CMSS1: variants seen among roughly 807,000 people sequenced by gnomAD.
The protein encoded by CMSS1 is cms1 ribosomal small subunit homolog, also known as protein CMSS1.
Under a neutral mutation model 43.5 loss-of-function variants are expected in CMSS1, and 33 were observed. The observed-to-expected ratio is 0.76, with a 90% CI of 0.57 to 1.01. The LOEUF (loss-of-function observed/expected upper bound fraction) is 1.01, where lower values mean the gene tolerates loss of function less well. CMSS1 is among the 50% of genes least tolerant of loss of function. CMSS1 has a pLI of 0.00. For synonymous variants in CMSS1, 115 were observed against 117.2 expected, an observed-to-expected ratio of 0.98 and a Z score of 0.12; for missense variants, 313 against 326.4, an observed-to-expected ratio of 0.96 and a Z score of 0.32.
intron 1 of CMSS1, chr3:99,849,521 C>T: frequency 1.2e-6 from 2 of 1,613,320 alleles, no homozygotes; most frequent in South Asian, 1.1e-5. Flanking sequence ...AATGCATCCA[C>T]TTCTCTTGAG....
chr3:99,909,670 A>G (rs1559684528), intron 1 of CMSS1, among the ~76,000 whole-genome samples: 1 of 152,234 alleles, frequency 6.6e-6, no homozygotes, highest in African/African-American at 2.4e-5. Context: ...CATGTTTTTC[A>G]TCATACAGAT....
intron 1 of CMSS1, among the ~76,000 whole-genome samples, chr3:100,068,253 CTAG>C (rs1173579181): frequency 6.6e-6 from 1 of 151,990 alleles, no homozygotes; most frequent in Admixed American, 6.5e-5. Context: ...TTGCACACTG[CTAG>C]TAGATGTGTA....
intron 1 of CMSS1, among the ~76,000 whole-genome samples, chr3:100,120,906 C>A (rs1378105769): frequency 1.3e-5 from 2 of 152,114 alleles, no homozygotes; most frequent in Admixed American, 1.3e-4. Flanking sequence ...CAGGAAAGCG[C>A]AGGATGGCTT....
At chr3:100,171,809 C>A in intron 6 of CMSS1, 30 bp from the exon 7 acceptor site, 1 of 1,604,486 alleles carries the variant, frequency 6.2e-7, no homozygotes, top group Non-Finnish European at 8.5e-7. Context: ...AGTTGGTTTT[C>A]TTAAGCATTC....
chr3:99,818,151 C>A, intron 1 of CMSS1, 108 bp downstream of exon 1: 1 of 1,040,620 alleles, frequency 9.6e-7, no homozygotes, highest in Non-Finnish European at 1.4e-6. Context: ...CAGGGGTGTG[C>A]ACCGCCTTGG....
At chr3:99,950,797 G>C (rs1576595588) in intron 1 of CMSS1, among the ~76,000 whole-genome samples, 1 of 152,040 alleles carries the variant, frequency 6.6e-6, no homozygotes, top group African/African-American at 2.4e-5. Context: ...GGAGACTTAG[G>C]TAAATATTCA....
At chr3:100,172,050 G>T in intron 7 of CMSS1, 151 bp downstream of exon 7, 1 of 675,656 alleles carries the variant, frequency 1.5e-6, no homozygotes. Context: ...TAAATTCTAT[G>T]CTTCTGCATA....
chr3:100,037,533 A>T (rs1201423646), intron 1 of CMSS1, among the ~76,000 whole-genome samples: 3 of 152,218 alleles, frequency 2.0e-5, no homozygotes, highest in African/African-American at 7.2e-5. Context: ...ATCATACCCT[A>T]AGATAAACTG....
rs910299158 is a variant in CMSS1 at position 100,172,084 on chromosome 3, G to C, written c.579+185G>C. 3 of 634,038 alleles carry C rather than the reference G, an allele frequency of 4.7e-6. No individual in the cohort carries two copies. The African/African-American group carries it at 5.5e-5, about 12-fold the overall frequency. 39.3% of individuals were successfully genotyped at this position (634,038 alleles called of 1,614,324 possible). ...TACCTACCTCCCCAGTATGGCAGTC[G>C]CTACTGCCATGCTCTGTCCCTGTAT... On this transcript the variant is annotated intron_variant, in intron 7 of 9. Coordinates refer to ENST00000421999, the MANE Select transcript of CMSS1 (RefSeq NM_032359.4).
intron 1 of CMSS1, chr3:99,830,679 G>A: frequency 6.9e-6 from 3 of 433,278 alleles, no homozygotes; most frequent in South Asian, 4.9e-5. Context: ...TTAGGACATG[G>A]AGTCAGTTTG....
intron 1 of CMSS1, among the ~76,000 whole-genome samples, chr3:100,014,869 C>CTTTTTTTTTTTTTTTT (rs1559725848): frequency 5.4e-5 from 1 of 18,528 alleles, no homozygotes; most frequent in Admixed American, 4.8e-4. Flanking sequence ...TTGTCTTTTT[C>CTTTTTTTTTTTTTTTT]TTTTCTTTTT....
intron 1 of CMSS1, among the ~76,000 whole-genome samples, chr3:100,115,693 A>C (rs1260328682): frequency 7.3e-6 from 1 of 137,168 alleles, no homozygotes; most frequent in African/African-American, 2.7e-5. Context: ...TTTTTTTCTG[A>C]ATTAATTTAT....
chr3:99,900,650 A>T lies in CMSS1; in HGVS notation c.64+82607A>T, dbSNP rs553203380. On this transcript the variant is annotated intron_variant, in intron 1 of 9. Transcript: ENST00000421999. Reference sequence around the variant, plus strand: ...CTTAATATTCATCAGAACTTCCATAAAGTACCAAATGGGCTGATCATTGTG... The same window carrying T: ...CTTAATATTCATCAGAACTTCCATATAGTACCAAATGGGCTGATCATTGTG... 1.2e-4 allele frequency among the ~76,000 whole-genome samples: 18 copies of T among 152,314 alleles called. No homozygotes were observed. The South Asian group carries it at 3.7e-3, about 32-fold the overall frequency.
At chr3:99,880,864 G>T (rs771892554) in intron 1 of CMSS1, among the ~76,000 whole-genome samples, 1 of 152,042 alleles carries the variant, frequency 6.6e-6, no homozygotes, top group Non-Finnish European at 1.5e-5. Context: ...TCGTAGTGTG[G>T]ATGGACCCTG....
chr3:99,928,428 G>A (rs771129440), intron 1 of CMSS1, among the ~76,000 whole-genome samples: 5 of 152,180 alleles, frequency 3.3e-5, no homozygotes, highest in Non-Finnish European at 7.3e-5. Flanking sequence ...TGTGAGAGGT[G>A]TATGTATATA....
At chr3:100,161,307 A>G (rs2067021450) in intron 3 of CMSS1, among the ~76,000 whole-genome samples, 1 of 152,220 alleles carries the variant, frequency 6.6e-6, no homozygotes, top group South Asian at 2.1e-4. Flanking sequence ...GGGAGATGCC[A>G]AATTGGCTGA....
chr3:100,059,465 AT>A (rs771283886), intron 1 of CMSS1, among the ~76,000 whole-genome samples: 6 of 151,012 alleles, frequency 4.0e-5, no homozygotes, highest in South Asian at 2.1e-4. Flanking sequence ...TTCAGGAAGC[AT>A]TTTTTTTTAG....
intron 6 of CMSS1, among the ~76,000 whole-genome samples, chr3:100,171,199 C>G (rs2107531751): frequency 6.6e-6 from 1 of 151,984 alleles, no homozygotes; most frequent in South Asian, 2.1e-4. Context: ...TTTTTCCTTC[C>G]TTCTTTGCTT....
intron 1 of CMSS1, among the ~76,000 whole-genome samples, chr3:99,906,939 G>T (rs1706637088): frequency 6.6e-6 from 1 of 152,184 alleles, no homozygotes; most frequent in South Asian, 2.1e-4. Flanking sequence ...AGACAACTCT[G>T]AATGGTTTCA....
Sources: gnomAD v4.1 joint callset for allele counts (sites outside exome capture counted in the v4.1 genomes callset) on GRCh38, gnomAD v4.1.1 for gene constraint, MANE v1.5 for transcripts, NCBI Gene and HGNC (gene_info 2026-07-23, HGNC 2026-07-21) for gene names.